The following ROBO1 variants were observed in gnomAD, a reference collection of about 807,000 sequenced individuals.
The protein encoded by ROBO1 is roundabout homolog 1.
In ROBO1, 149 loss-of-function variants were observed where a neutral mutation model predicts 195.9. That is an observed-to-expected ratio of 0.76 (90% confidence interval 0.67 to 0.87). The LOEUF (loss-of-function observed/expected upper bound fraction) is 0.87, where lower values mean the gene tolerates loss of function less well. ROBO1 is among the 40% of genes least tolerant of loss of function. The pLI, the probability that ROBO1 is intolerant of heterozygous loss-of-function variation, is 0.00. For missense variants in ROBO1, 1,933 were observed against 2,068.3 expected (o/e 0.93, Z 1.27); for synonymous variants, 816 against 733.2 (o/e 1.11, Z -1.82).
chr3:79,381,087 G>C (rs906703172), intron 2 of ROBO1, among the ~76,000 whole-genome samples: 20 of 152,182 alleles, frequency 1.3e-4, no homozygotes, highest in Admixed American at 6.5e-5. Context: ...GGCTGGGCGC[G>C]GTGGCTCACG....
chr3:79,745,406 T>C (rs1703832095), intron 1 of ROBO1, among the ~76,000 whole-genome samples: 2 of 152,164 alleles, frequency 1.3e-5, no homozygotes, highest in Non-Finnish European at 2.9e-5. Context: ...AGAAACACAT[T>C]TATGTAATTC....
At chr3:79,164,323 G>A (rs1005704974) in intron 2 of ROBO1, among the ~76,000 whole-genome samples, 9 of 152,174 alleles carry the variant, frequency 5.9e-5, no homozygotes, top group African/African-American at 1.7e-4. Flanking sequence ...ATATAGCACA[G>A]TTGCTTGAGA....
chr3:79,295,927 G>A (rs2032570388), intron 2 of ROBO1, among the ~76,000 whole-genome samples: 2 of 152,096 alleles, frequency 1.3e-5, no homozygotes, highest in East Asian at 3.8e-4. Context: ...TTAGATAACG[G>A]TGAAACTAAC....
At position 79,199,515 on chromosome 3, in the gene ROBO1, G is replaced by A. The variant is rs140407310; in HGVS notation, c.89-73976C>T. 2.9e-3 allele frequency among the ~76,000 whole-genome samples: 444 copies of A among 151,728 alleles called. 1 individual carries two copies. Among genetic ancestry groups the A allele is most frequent in the African/African-American group, 0.01 (425 of 41,456 alleles). On this transcript the variant is annotated intron_variant, in intron 2 of 30. Transcript: ENST00000464233. Reference sequence around the variant, plus strand: ...GGTGTATTAATTCACCTTCTTTAACGTGTTCCTGATGATTTATCTTCGTAT... The same window carrying A: ...GGTGTATTAATTCACCTTCTTTAACATGTTCCTGATGATTTATCTTCGTAT...
chr3:78,896,651 T>A (rs1000506140), intron 4 of ROBO1, among the ~76,000 whole-genome samples: 1 of 116,778 alleles, frequency 8.6e-6, no homozygotes, highest in African/African-American at 3.7e-5. Flanking sequence ...AACAGCCTTG[T>A]TGCTCACAAA....
chr3:78,741,302 C>T (rs984522720), intron 5 of ROBO1, among the ~76,000 whole-genome samples: 12 of 152,124 alleles, frequency 7.9e-5, no homozygotes, highest in African/African-American at 2.9e-4. Flanking sequence ...GAACTTGGTG[C>T]AATTGTCTGT....
At chr3:78,898,377 AG>A (rs1198207679) in intron 4 of ROBO1, among the ~76,000 whole-genome samples, 1 of 137,344 alleles carries the variant, frequency 7.3e-6, no homozygotes, top group Non-Finnish European at 1.5e-5. Flanking sequence ...ATAGATAGAT[AG>A]GGTTTTTTTT....
intron 1 of ROBO1, among the ~76,000 whole-genome samples, chr3:79,650,766 A>T (rs1945981150): frequency 2.6e-5 from 4 of 151,980 alleles, no homozygotes; most frequent in Admixed American, 2.0e-4. Flanking sequence ...CTGAAGAAGC[A>T]TACATATAGT....
chr3:79,252,020 A>C (rs2082739035), intron 2 of ROBO1, among the ~76,000 whole-genome samples: 1 of 150,712 alleles, frequency 6.6e-6, no homozygotes, highest in Non-Finnish European at 1.5e-5. Flanking sequence ...GGCAATTTTA[A>C]AGAAAAAAAA....
intron 1 of ROBO1, among the ~76,000 whole-genome samples, chr3:79,717,820 C>G (rs1324224005): frequency 1.3e-5 from 2 of 151,904 alleles, no homozygotes; most frequent in Non-Finnish European, 2.9e-5. Flanking sequence ...TGAATGTATT[C>G]AGATGTTTTC....
At chr3:79,093,511 A>C (rs559363652) in intron 3 of ROBO1, among the ~76,000 whole-genome samples, 2 of 152,256 alleles carry the variant, frequency 1.3e-5, no homozygotes, top group African/African-American at 2.4e-5. Flanking sequence ...CGAAAACAAA[A>C]GCAGACTAAA....
chr3:78,921,186 A>T (rs1291371225), intron 4 of ROBO1, among the ~76,000 whole-genome samples: 2 of 152,228 alleles, frequency 1.3e-5, no homozygotes, highest in Non-Finnish European at 2.9e-5. Context: ...ACTATAAAAA[A>T]CTTAGACTAT....
intron 2 of ROBO1, among the ~76,000 whole-genome samples, chr3:79,146,298 G>A (rs1249056618): frequency 6.6e-6 from 1 of 151,734 alleles, no homozygotes; most frequent in Non-Finnish European, 1.5e-5. Flanking sequence ...GTTCCTCAGG[G>A]AATAAAGATG....
chr3:78,970,314 C>T (rs186629500), intron 3 of ROBO1, among the ~76,000 whole-genome samples: 26 of 152,174 alleles, frequency 1.7e-4, no homozygotes, highest in Admixed American at 3.3e-4. Context: ...GTTCACATAA[C>T]GATGTCTCCT....
At chr3:79,247,774 T>C (rs1372356681) in intron 2 of ROBO1, among the ~76,000 whole-genome samples, 2 of 152,064 alleles carry the variant, frequency 1.3e-5, no homozygotes, top group African/African-American at 2.4e-5. Flanking sequence ...TGCCATGGCA[T>C]AGAATCAATG....
intron 3 of ROBO1, among the ~76,000 whole-genome samples, chr3:79,061,919 C>A (rs1354838663): frequency 6.6e-6 from 1 of 152,074 alleles, no homozygotes; most frequent in African/African-American, 2.4e-5. Context: ...TTAGGCAATA[C>A]CATTCAGGAC....
intron 2 of ROBO1, among the ~76,000 whole-genome samples, chr3:79,196,118 G>T (rs1381652466): frequency 1.3e-5 from 2 of 151,556 alleles, no homozygotes; most frequent in Non-Finnish European, 3.0e-5. Flanking sequence ...AAATATGTAT[G>T]CCAGCAATAA....
intron 3 of ROBO1, among the ~76,000 whole-genome samples, chr3:78,979,632 T>G (rs192024066): frequency 1.3e-5 from 2 of 152,298 alleles, no homozygotes; most frequent in Admixed American, 1.3e-4. Context: ...TCTTTAGCTT[T>G]CAACCCCCTT....
intron 2 of ROBO1, among the ~76,000 whole-genome samples, chr3:79,206,822 G>C (rs1349857117): frequency 6.6e-6 from 1 of 152,114 alleles, no homozygotes; most frequent in African/African-American, 2.4e-5. Flanking sequence ...TTTGTTTTGA[G>C]AAAATAATTT....
Sources: gnomAD v4.1 joint callset for allele counts (sites outside exome capture counted in the v4.1 genomes callset) on GRCh38, gnomAD v4.1.1 for gene constraint, MANE v1.5 for transcripts, NCBI Gene and HGNC (gene_info 2026-07-23, HGNC 2026-07-21) for gene names.